ERC2: variants seen among roughly 807,000 people sequenced by gnomAD.
ERC2 encodes ERC protein 2.
A neutral mutation model predicts 114.8 loss-of-function variants in ERC2; 42 were observed. That is an observed-to-expected ratio of 0.37 (90% CI 0.29 to 0.47). The LOEUF is 0.47. ERC2 is among the 20% of genes least tolerant of loss of function. The pLI is 0.99. For synonymous variants in ERC2, 454 were observed against 425.5 expected (o/e 1.07, Z -0.82); for missense variants, 939 against 1,150.7 (o/e 0.82, Z 2.66).
chr3:56,211,353 C>T (rs2049047377), intron 3 of ERC2, among the ~76,000 whole-genome samples: 1 of 152,050 alleles, frequency 6.6e-6, no homozygotes, highest in African/African-American at 2.4e-5. Context: ...TTTACAATAG[C>T]TGTGAACAAT....
intron 14 of ERC2, among the ~76,000 whole-genome samples, chr3:55,745,354 T>C (rs1022445664): frequency 6.6e-6 from 1 of 152,222 alleles, no homozygotes; most frequent in African/African-American, 2.4e-5. Flanking sequence ...AAGGCGACTT[T>C]TAAAAAGTCA....
intron 13 of ERC2, among the ~76,000 whole-genome samples, chr3:55,917,531 T>C (rs2065169173): frequency 6.6e-6 from 1 of 152,134 alleles, no homozygotes; most frequent in Non-Finnish European, 1.5e-5. Context: ...ATGAAATATA[T>C]GAATAGGCAA....
intron 2 of ERC2, among the ~76,000 whole-genome samples, chr3:56,396,550 G>A (rs1460598927): frequency 6.6e-6 from 1 of 152,192 alleles, no homozygotes; most frequent in East Asian, 1.9e-4. Flanking sequence ...GGATTTAGTA[G>A]TATGTGCTCA....
At chr3:56,272,034 T>A (rs73086405) in intron 3 of ERC2, among the ~76,000 whole-genome samples, 50,156 of 152,002 alleles carry the variant, frequency 0.33, 9,514 homozygotes, top group Middle Eastern at 0.44. Context: ...TAAAGTTTAG[T>A]TTTAGCACAT....
intron 17 of ERC2, among the ~76,000 whole-genome samples, chr3:55,632,159 C>G (rs549888831): frequency 6.6e-6 from 1 of 152,302 alleles, no homozygotes; most frequent in East Asian, 1.9e-4. Flanking sequence ...ACAGCTGGTT[C>G]CCTCTATGCA....
intron 13 of ERC2, among the ~76,000 whole-genome samples, chr3:55,927,975 A>G (rs1269077575): frequency 6.6e-6 from 1 of 152,190 alleles, no homozygotes; most frequent in Non-Finnish European, 1.5e-5. Context: ...TCCATTGTGT[A>G]TATGTATCAC....
At chr3:56,127,014 A>G (rs138095783) in intron 6 of ERC2, among the ~76,000 whole-genome samples, 1 of 152,282 alleles carries the variant, frequency 6.6e-6, no homozygotes, top group African/African-American at 2.4e-5. Context: ...AATCAGTATC[A>G]TTTATATAGG....
At chr3:55,912,756 T>C (rs2064880832) in intron 13 of ERC2, among the ~76,000 whole-genome samples, 1 of 152,136 alleles carries the variant, frequency 6.6e-6, no homozygotes, top group Non-Finnish European at 1.5e-5. Flanking sequence ...GCTTTACTGA[T>C]ACTTTGACCC....
At chr3:55,919,995 C>T (rs1008943005) in intron 13 of ERC2, among the ~76,000 whole-genome samples, 6 of 152,140 alleles carry the variant, frequency 3.9e-5, no homozygotes, top group Admixed American at 6.5e-5. Flanking sequence ...AATAATAGCA[C>T]ATATTATCTG....
At chr3:55,977,649 G>A (rs2069697835) in intron 12 of ERC2, among the ~76,000 whole-genome samples, 1 of 152,200 alleles carries the variant, frequency 6.6e-6, no homozygotes, top group South Asian at 2.1e-4. Flanking sequence ...AAATGGTTTA[G>A]CCTCTGTAGA....
intron 17 of ERC2, among the ~76,000 whole-genome samples, chr3:55,639,883 G>C (rs1312355365): frequency 6.6e-6 from 1 of 152,182 alleles, no homozygotes; most frequent in African/African-American, 2.4e-5. Context: ...GCAGGAAGCA[G>C]ATGTTTTCAC....
intron 11 of ERC2, 119 bp from the exon 12 acceptor site, chr3:55,986,107 A>G: frequency 1.0e-6 from 1 of 961,514 alleles, no homozygotes; most frequent in South Asian, 1.4e-5. Flanking sequence ...AACAGATGTT[A>G]TATCAGCAGG....
chr3:56,032,048 G>T (rs2074407695), intron 7 of ERC2, among the ~76,000 whole-genome samples: 2 of 152,118 alleles, frequency 1.3e-5, no homozygotes, highest in African/African-American at 4.8e-5. Flanking sequence ...GGTTGTTTAA[G>T]AGTCTGCCAC....
chr3:55,735,829 CA>C (rs956006608), intron 14 of ERC2, among the ~76,000 whole-genome samples: 2 of 152,168 alleles, frequency 1.3e-5, no homozygotes, highest in African/African-American at 4.8e-5. Flanking sequence ...GTTCTATTTT[CA>C]ATGCATTTAG....
intron 2 of ERC2, among the ~76,000 whole-genome samples, chr3:56,406,479 C>G (rs1371600804): frequency 6.6e-6 from 1 of 152,222 alleles, no homozygotes; most frequent in East Asian, 1.9e-4. Context: ...TCCTCACACT[C>G]ATTAGGCTGG....
rs2063107501 is a variant in ERC2, at chr3:55,699,407, G to T, written c.2818C>A (p.His940Asn). 2 of 1,613,764 alleles carry T rather than the reference G, an allele frequency of 1.2e-6. No individual in the cohort carries two copies. The highest frequency in any genetic ancestry group is 1.7e-6 in the Non-Finnish European group (2 of 1,179,836). ...TCCGGAGAGGGCCTGTGATTGGAAT[G>T]TTGCGACCTCCCAGGAGATCGATGG... is the stretch of plus-strand genomic sequence containing the variant. ...HHHRSPGRSQ[H>N]SNHRPSPDQD... Residue 940 changes from histidine (H) to asparagine (N), a missense_variant, in exon 16 of 18, where the codon CAT (histidine) becomes AAT (asparagine). Transcript: ENST00000288221.
At chr3:56,138,616 T>C (rs2149912029) in intron 6 of ERC2, among the ~76,000 whole-genome samples, 1 of 152,308 alleles carries the variant, frequency 6.6e-6, no homozygotes, top group South Asian at 2.1e-4. Flanking sequence ...TCCCCACAGA[T>C]GCTAAAATAT....
chr3:56,260,305 T>G (rs529957538), intron 3 of ERC2, among the ~76,000 whole-genome samples: 13 of 152,088 alleles, frequency 8.5e-5, no homozygotes, highest in Non-Finnish European at 1.5e-4. Context: ...GGGAAGCAGA[T>G]GAGAATAACA....
At chr3:56,230,551 C>G (rs982112062) in intron 3 of ERC2, among the ~76,000 whole-genome samples, 4 of 152,038 alleles carry the variant, frequency 2.6e-5, no homozygotes, top group African/African-American at 9.7e-5. Flanking sequence ...TGAGCCGCCA[C>G]AGTTGGCCTA....
Sources: gnomAD v4.1 joint callset for allele counts (sites outside exome capture counted in the v4.1 genomes callset) on GRCh38, gnomAD v4.1.1 for gene constraint, MANE v1.5 for transcripts, NCBI Gene and HGNC (gene_info 2026-07-23, HGNC 2026-07-21) for gene names.